FBXW7: variants seen among roughly 807,000 people sequenced by gnomAD.
FBXW7 encodes F-box and WD repeat domain containing 7, also known as F-box/WD repeat-containing protein 7.
Under a neutral mutation model 86.3 loss-of-function variants are expected in FBXW7, and 11 were observed. The observed-to-expected ratio is 0.13, with a 90% confidence interval of 0.08 to 0.21. The LOEUF (loss-of-function observed/expected upper bound fraction) is 0.21. Ranked by LOEUF, FBXW7 falls within the 10% of genes least tolerant of loss-of-function variation. The pLI, the probability that FBXW7 is intolerant of heterozygous loss-of-function variation, is 1.00. For missense variants in FBXW7, 488 were observed against 847.4 expected (o/e 0.58, Z 5.27); for synonymous variants, 313 against 297.9 (o/e 1.05, Z -0.52).
intron 2 of FBXW7, among the ~76,000 whole-genome samples, chr4:152,495,863 C>T (rs1746289985): frequency 1.3e-5 from 2 of 152,112 alleles, no homozygotes; most frequent in Admixed American, 1.3e-4. Context: ...ATGAGGTATC[C>T]AAGAGAATCT....
intron 2 of FBXW7, among the ~76,000 whole-genome samples, chr4:152,444,095 T>C (rs781013267): frequency 4.0e-5 from 6 of 151,610 alleles, no homozygotes; most frequent in African/African-American, 7.3e-5. Context: ...ATGGGTGCCA[T>C]GTTAGGTTAC....
chr4:152,510,316 AC>A (rs1747842464), intron 2 of FBXW7, among the ~76,000 whole-genome samples: 1 of 152,226 alleles, frequency 6.6e-6, no homozygotes, highest in African/African-American at 2.4e-5. Flanking sequence ...TGGAAGAACA[AC>A]TGCTGATTCA....
At chr4:152,418,890 C>CA (rs1738688771) in intron 2 of FBXW7, among the ~76,000 whole-genome samples, 1 of 151,342 alleles carries the variant, frequency 6.6e-6, no homozygotes, top group Non-Finnish European at 1.5e-5. Context: ...GAAACAAGGA[C>CA]AAAAAACAAA....
chr4:152,333,948 G>A (rs1308465280), intron 7 of FBXW7, among the ~76,000 whole-genome samples: 1 of 152,078 alleles, frequency 6.6e-6, no homozygotes, highest in African/African-American at 2.4e-5. Flanking sequence ...CAGCTACTCA[G>A]GAGGCTGAGG....
rs1486045259 is a variant in FBXW7, at chr4:152,467,400, CCT to C, written c.-119-54873_-119-54872del. ...CCTGAGGAACTGTGAGTCAATTAAG[CCT>C]CTTTCCTTTATAAACTACCCAGTCT... On this transcript the variant is annotated intron_variant, in intron 2 of 13. Coordinates refer to ENST00000281708, the MANE Select transcript of FBXW7 (RefSeq NM_001349798.2). Among the ~76,000 whole-genome samples the C allele has an allele frequency of 9.9e-5, 15 of 152,280 alleles. No homozygotes were observed. The East Asian group carries it at 2.5e-3, about 25-fold the overall frequency.
Position 152,328,210 on chromosome 4 carries a change from T to C in FBXW7, c.1416A>G (p.Lys472=), listed in dbSNP as rs2126512437. Residue 472 remains lysine, a splice_region_variant and synonymous_variant, in exon 11 of 14, where the codon AAA becomes AAG. Transcript: ENST00000281708. The part of the protein sequence containing the change: ...STVRCMHLHE[K]RVVSGSRDAT... ...ACCATGACAAGATTTTCCCTTACCT[T>C]TTTTCATGAAGATGCATACAACGCA... 1 of 1,584,580 alleles carries C rather than the reference T, an allele frequency of 6.3e-7. No homozygotes were observed. The highest frequency in any genetic ancestry group is 8.6e-7 in the Non-Finnish European group (1 of 1,168,290).
At chr4:152,356,150 T>C (rs542731207) in intron 4 of FBXW7, among the ~76,000 whole-genome samples, 4 of 152,174 alleles carry the variant, frequency 2.6e-5, no homozygotes, top group African/African-American at 7.2e-5. Flanking sequence ...GCAGTTATCA[T>C]AGTTCATTGT....
chr4:152,347,692 C>T (rs1429232129), intron 5 of FBXW7, among the ~76,000 whole-genome samples: 2 of 152,008 alleles, frequency 1.3e-5, no homozygotes, highest in Non-Finnish European at 2.9e-5. Context: ...GTATTAAGAA[C>T]TTATATGCAA....
intron 4 of FBXW7, among the ~76,000 whole-genome samples, chr4:152,391,604 C>T (rs1438155556): frequency 2.0e-5 from 3 of 152,064 alleles, no homozygotes; most frequent in African/African-American, 4.8e-5. Flanking sequence ...AAAATACGTA[C>T]GCATTGTTTC....
intron 4 of FBXW7, among the ~76,000 whole-genome samples, chr4:152,387,422 T>A (rs780206293): frequency 6.6e-6 from 1 of 152,020 alleles, no homozygotes; most frequent in South Asian, 2.1e-4. Flanking sequence ...ACCAAATCAG[T>A]TTTTAGTCTT....
At position 152,478,168 on chromosome 4, in the gene FBXW7, T is replaced by C. The variant is rs532308771; in HGVS notation, c.-120+56773A>G. On this transcript the variant is annotated intron_variant, in intron 2 of 13. Transcript: ENST00000281708. ...GAATGTTGTACAATTATCACCACTATTCATTTCCAGAACTTTTCATCATTC... is the reference window on the plus strand; with the variant it reads ...GAATGTTGTACAATTATCACCACTACTCATTTCCAGAACTTTTCATCATTC... Among the ~76,000 whole-genome samples the C allele has an allele frequency of 9.9e-5, 15 of 152,226 alleles. No individual in the cohort carries two copies. In the South Asian group the frequency reaches 2.1e-3, roughly 21 times the overall value.
At chr4:152,436,230 C>G (rs1740369024) in intron 2 of FBXW7, among the ~76,000 whole-genome samples, 1 of 152,120 alleles carries the variant, frequency 6.6e-6, no homozygotes, top group Non-Finnish European at 1.5e-5. Context: ...AGTGAAATAG[C>G]CTTATTGTTG....
At chr4:152,350,530 A>G (rs1731706606) in intron 4 of FBXW7, among the ~76,000 whole-genome samples, 1 of 151,954 alleles carries the variant, frequency 6.6e-6, no homozygotes, top group Non-Finnish European at 1.5e-5. Context: ...ACATGTTTTT[A>G]ATAAAGATAA....
chr4:152,436,235 TTGTTGATA>T (rs1406422741), intron 2 of FBXW7, among the ~76,000 whole-genome samples: 1 of 152,224 alleles, frequency 6.6e-6, no homozygotes, highest in African/African-American at 2.4e-5. Context: ...AATAGCCTTA[TTGTTGATA>T]TGGAAAAAGT....
intron 4 of FBXW7, among the ~76,000 whole-genome samples, chr4:152,382,903 T>G (rs79623251): frequency 1.3e-5 from 2 of 152,120 alleles, no homozygotes; most frequent in Non-Finnish European, 2.9e-5. Context: ...CACACACATA[T>G]GTATGTTTGT....
chr4:152,396,176 C>T (rs1297288085), intron 4 of FBXW7, among the ~76,000 whole-genome samples: 1 of 151,766 alleles, frequency 6.6e-6, no homozygotes, highest in Non-Finnish European at 1.5e-5. Context: ...ATTCTAGAAA[C>T]ATCTCTAGTA....
Position 152,375,085 on chromosome 4 carries a change from A to AT in FBXW7, c.502-24962dup, listed in dbSNP as rs1377176471. On this transcript the variant is annotated intron_variant, in intron 4 of 13. Transcript: ENST00000281708. The stretch of plus-strand genomic sequence containing the variant: ...GAGAATTAATCATAGCTAGACTAGA[A>AT]TTTTTTTTTTTAAGGCAAACCAGGA... Among the ~76,000 whole-genome samples, 251 of 148,524 alleles carry AT rather than the reference A, an allele frequency of 1.7e-3. 1 individual carries two copies. Among genetic ancestry groups the AT allele is most frequent in the African/African-American group, 4.8e-3 (196 of 40,720 alleles).
intron 2 of FBXW7, among the ~76,000 whole-genome samples, chr4:152,498,429 T>G (rs1746583198): frequency 1.3e-5 from 2 of 152,174 alleles, no homozygotes; most frequent in South Asian, 4.1e-4. Context: ...AGACTATGCA[T>G]CTAACTAGTT....
intron 5 of FBXW7, 90 bp downstream of exon 5, chr4:152,349,952 A>G: frequency 1.5e-6 from 1 of 677,140 alleles, no homozygotes; most frequent in Non-Finnish European, 2.4e-6. Flanking sequence ...TACTAGTAAC[A>G]TTATTATTCT....
Sources: gnomAD v4.1 joint callset for allele counts (sites outside exome capture counted in the v4.1 genomes callset) on GRCh38, gnomAD v4.1.1 for gene constraint, MANE v1.5 for transcripts, NCBI Gene and HGNC (gene_info 2026-07-23, HGNC 2026-07-21) for gene names.